The following ZCCHC17 variants were observed in gnomAD, a reference collection of about 807,000 sequenced individuals.
ZCCHC17 encodes the protein zinc finger CCHC domain-containing protein 17.
ZCCHC17 carries 18 observed loss-of-function variants against 30.6 expected under a neutral mutation model. The ratio of observed to expected loss-of-function variants is 0.59; its 90% CI spans 0.41 to 0.87. The LOEUF (loss-of-function observed/expected upper bound fraction) is 0.87. ZCCHC17 is among the 40% of genes least tolerant of loss of function. ZCCHC17 has a pLI of 0.00. For missense variants in ZCCHC17, 263 were observed against 284.2 expected (o/e 0.93, Z 0.54); for synonymous variants, 88 against 92.4 (o/e 0.95, Z 0.27).
intron 1 of ZCCHC17, among the ~76,000 whole-genome samples, chr1:31,309,838 G>A (rs924079828): frequency 6.6e-6 from 1 of 152,004 alleles, no homozygotes; most frequent in African/African-American, 2.4e-5. Flanking sequence ...TAGCCTAATG[G>A]CCTTGGGTAA....
At chr1:31,320,690 T>C (rs1412693123) in intron 3 of ZCCHC17, among the ~76,000 whole-genome samples, 1 of 152,250 alleles carries the variant, frequency 6.6e-6, no homozygotes, top group Non-Finnish European at 1.5e-5. Flanking sequence ...TTCCATCAGT[T>C]GATGGATATT....
At chr1:31,342,815 C>G (rs1639095757) in intron 5 of ZCCHC17, among the ~76,000 whole-genome samples, 1 of 152,090 alleles carries the variant, frequency 6.6e-6, no homozygotes, top group Non-Finnish European at 1.5e-5. Context: ...TACTTCAGGC[C>G]TTGATGGTCA....
At chr1:31,362,649 C>G (rs770235167) in intron 7 of ZCCHC17, among the ~76,000 whole-genome samples, 1 of 152,158 alleles carries the variant, frequency 6.6e-6, no homozygotes, top group Non-Finnish European at 1.5e-5. Context: ...CAAGTACAGG[C>G]TTATTATTTG....
intron 2 of ZCCHC17, among the ~76,000 whole-genome samples, chr1:31,310,754 AACATACTGAG>A (rs1343817351): frequency 6.6e-6 from 1 of 152,244 alleles, no homozygotes; most frequent in East Asian, 1.9e-4. Context: ...AGTAACACAG[AACATACTGAG>A]ACACTCAAAA....
chr1:31,335,141 G>A (rs1423578881), intron 3 of ZCCHC17, among the ~76,000 whole-genome samples: 4 of 152,152 alleles, frequency 2.6e-5, no homozygotes, highest in African/African-American at 9.7e-5. Context: ...TGTATTGGGT[G>A]CTCAGTTTAT....
At chr1:31,354,530 T>A (rs1055180019) in intron 7 of ZCCHC17, among the ~76,000 whole-genome samples, 2 of 152,202 alleles carry the variant, frequency 1.3e-5, no homozygotes, top group African/African-American at 2.4e-5. Context: ...TTAACTGTGA[T>A]TCTATTTGTA....
intron 5 of ZCCHC17, among the ~76,000 whole-genome samples, chr1:31,346,340 T>C (rs890187272): frequency 6.6e-6 from 1 of 152,194 alleles, no homozygotes; most frequent in African/African-American, 2.4e-5. Flanking sequence ...CTAGAAAGCC[T>C]TTGAAGGTCT....
rs1282888991 is a variant in ZCCHC17 at position 31,364,614 on chromosome 1, A to G, written c.*421A>G. On this transcript the variant is annotated 3_prime_UTR_variant, in exon 8 of 8. Transcript: ENST00000344147. ...CTTCCTATTGGTCTGTCCTGGGCCA[A>G]CTGGTGGGTGATCTCTGCTGCATCC... is the stretch of plus-strand genomic sequence containing the variant. 1.2e-5 allele frequency: 2 copies of G among 164,872 alleles called. No homozygotes were observed. The highest frequency in any genetic ancestry group is 6.0e-5 in the Admixed American group (1 of 16,762). 10.2% of individuals were successfully genotyped at this position (164,872 alleles called of 1,614,324 possible).
chr1:31,315,483 TG>T (rs1646711647), intron 2 of ZCCHC17, among the ~76,000 whole-genome samples: 2 of 152,234 alleles, frequency 1.3e-5, no homozygotes. Context: ...AGCATAGCAA[TG>T]AGACTTGGGA....
chr1:31,325,574 T>A (rs536255192), intron 3 of ZCCHC17, among the ~76,000 whole-genome samples: 76 of 152,334 alleles, frequency 5.0e-4, no homozygotes, highest in African/African-American at 1.8e-3. Context: ...CCAGTGTGCC[T>A]GGCTGTGCAC....
At chr1:31,348,484 C>A (rs1639354222) in intron 6 of ZCCHC17, among the ~76,000 whole-genome samples, 1 of 152,182 alleles carries the variant, frequency 6.6e-6, no homozygotes, top group South Asian at 2.1e-4. Context: ...CTGGAGCAGT[C>A]TTTGATTGTC....
At chr1:31,323,462 C>A (rs2148433579) in intron 3 of ZCCHC17, among the ~76,000 whole-genome samples, 1 of 152,238 alleles carries the variant, frequency 6.6e-6, no homozygotes, top group African/African-American at 2.4e-5. Flanking sequence ...GCTGGGACTA[C>A]AGGCACCCGC....
chr1:31,304,228 G>A (rs1339861900), intron 1 of ZCCHC17, among the ~76,000 whole-genome samples: 1 of 151,974 alleles, frequency 6.6e-6, no homozygotes, highest in Non-Finnish European at 1.5e-5. Flanking sequence ...GTGTATGAAT[G>A]TGGTCCTGTC....
chr1:31,351,472 G>T (rs916446329), intron 7 of ZCCHC17, among the ~76,000 whole-genome samples: 3 of 151,338 alleles, frequency 2.0e-5, no homozygotes, highest in African/African-American at 7.3e-5. Flanking sequence ...ACCTTTTTTG[G>T]CTGGGCATGG....
At chr1:31,345,740 A>G (rs1415308845) in intron 5 of ZCCHC17, among the ~76,000 whole-genome samples, 1 of 151,032 alleles carries the variant, frequency 6.6e-6, no homozygotes, top group Non-Finnish European at 1.5e-5. Flanking sequence ...GGAAGCAAGC[A>G]TATCTTCATA....
intron 7 of ZCCHC17, among the ~76,000 whole-genome samples, chr1:31,350,686 G>A (rs930432084): frequency 2.4e-4 from 36 of 149,240 alleles, no homozygotes; most frequent in Middle Eastern, 3.5e-3. Flanking sequence ...TGCAGCTTCC[G>A]CCTCCCAGGT....
chr1:31,304,622 C>T (rs1369557402), intron 1 of ZCCHC17, among the ~76,000 whole-genome samples: 2 of 150,126 alleles, frequency 1.3e-5, no homozygotes, highest in Non-Finnish European at 3.0e-5. Context: ...TTTAGACGGA[C>T]TCTCGCTCTG....
chr1:31,297,613 G>A (rs1646197809), intron 1 of ZCCHC17, among the ~76,000 whole-genome samples: 1 of 152,124 alleles, frequency 6.6e-6, no homozygotes, highest in African/African-American at 2.4e-5. Context: ...AACCGGGCAC[G>A]GTCCCTACTC....
intron 3 of ZCCHC17, among the ~76,000 whole-genome samples, chr1:31,334,551 T>A (rs1638740939): frequency 6.6e-6 from 1 of 152,154 alleles, no homozygotes; most frequent in South Asian, 2.1e-4. Flanking sequence ...TTATTTATTA[T>A]CGAAAATAAA....
Sources: allele counts gnomAD v4.1 joint callset (sites outside exome capture counted in the v4.1 genomes callset), GRCh38; gene constraint gnomAD v4.1.1; transcripts MANE v1.5; gene names NCBI Gene and HGNC (gene_info 2026-07-23, HGNC 2026-07-21).